SIGLEC7: variants seen among roughly 807,000 people sequenced by gnomAD.
SIGLEC7 encodes sialic acid binding Ig like lectin 7, also known as sialic acid-binding Ig-like lectin 7.
SIGLEC7 carries 33 observed loss-of-function variants against 40.8 expected under a neutral mutation model. The observed-to-expected ratio is 0.81, with a 90% CI of 0.61 to 1.08. SIGLEC7 has a LOEUF of 1.08. SIGLEC7 is among the 50% of genes least tolerant of loss of function. The pLI, the probability that SIGLEC7 is intolerant of heterozygous loss-of-function variation, is 0.00. For synonymous variants in SIGLEC7, 242 were observed against 237.6 expected (o/e 1.02, Z -0.17); for missense variants, 513 against 576.1 (o/e 0.89, Z 1.12).
Position 51,145,123 on chromosome 19 carries a change from G to A in SIGLEC7, c.760+164G>A, listed in dbSNP as rs566934459. On this transcript the variant is annotated intron_variant, in intron 3 of 6. Transcript: ENST00000317643. This position sits in a 1 kb window ranked among gnomAD's most constrained non-coding sequence, Gnocchi z 4.3. ...AGCCTCTGTGGCCACCTGAGCACCT[G>A]TCCTCTTCCCCCCACTCCCCTCAGA... 2.6e-5 allele frequency among the ~76,000 whole-genome samples: 4 copies of A among 152,094 alleles called. No individual in the cohort carries two copies. In the South Asian group the frequency reaches 8.3e-4, roughly 32 times the overall value.
chr19:51,152,210 CA>C (rs1201856042), intron 6 of SIGLEC7, among the ~76,000 whole-genome samples: 3 of 152,154 alleles, frequency 2.0e-5, no homozygotes. Context: ...CCTCTGTTTG[CA>C]AGGCAAGTAG....
chr19:51,152,225 G>A (rs1185713815), intron 6 of SIGLEC7, among the ~76,000 whole-genome samples: 1 of 152,096 alleles, frequency 6.6e-6, no homozygotes, highest in African/African-American at 2.4e-5. Flanking sequence ...CAAGTAGCCT[G>A]GCATCTTCCA....
chr19:51,150,415 G>T (rs374629992), intron 6 of SIGLEC7, among the ~76,000 whole-genome samples: 154 of 152,228 alleles, frequency 1.0e-3, no homozygotes, highest in Admixed American at 3.3e-3. Flanking sequence ...ATGTGTTTTT[G>T]TCTTTAGTTC....
chr19:51,144,978 C>T lies in SIGLEC7; in HGVS notation c.760+19C>T. On this transcript the variant is annotated intron_variant, in intron 3 of 6. Coordinates refer to ENST00000317643, the MANE Select transcript of SIGLEC7 (RefSeq NM_014385.4). ...GGCACAGGTAGGATGGAGCCCCCTC[C>T]CTGGGGCTGGGGGAGCAGGGCCTTC... The T allele has an allele frequency of 6.2e-7, 1 of 1,612,158 alleles. No individual in the cohort carries two copies. The highest frequency in any genetic ancestry group is 1.3e-5 in the African/African-American group (1 of 74,986).
chr19:51,142,303 A>T lies in SIGLEC7; in HGVS notation c.-67A>T. 1 of 1,565,138 alleles carries T rather than the reference A, an allele frequency of 6.4e-7. No homozygotes were observed. Among genetic ancestry groups the T allele is most frequent in the South Asian group, 1.2e-5 (1 of 83,322 alleles). ...GGCCTCTTCTAAGTCTTGAGCCCGC[A>T]GTTCCTGAGAGAAGAACCCTGAGGA... is the stretch of plus-strand genomic sequence containing the variant. On this transcript the variant is annotated 5_prime_UTR_variant, in exon 1 of 7. Transcript: ENST00000317643. This position sits in a 1 kb window ranked among gnomAD's most constrained non-coding sequence, Gnocchi z 5.0.
At chr19:51,143,499 G>A (rs1296145657) in intron 1 of SIGLEC7, among the ~76,000 whole-genome samples, 1 of 152,172 alleles carries the variant, frequency 6.6e-6, no homozygotes, top group Non-Finnish European at 1.5e-5. Flanking sequence ...CCCGGAGGTA[G>A]GAGGTGGGAC....
intron 6 of SIGLEC7, among the ~76,000 whole-genome samples, chr19:51,151,593 A>G (rs1305278634): frequency 2.6e-5 from 4 of 152,232 alleles, no homozygotes; most frequent in Admixed American, 2.6e-4. Context: ...GGAGACCTGA[A>G]GCAATTGGCA....
chr19:51,146,062 A>G lies in SIGLEC7; in HGVS notation c.968A>G (p.Gln323Arg). 1 of 1,614,236 alleles carries G rather than the reference A, an allele frequency of 6.2e-7. No individual in the cohort carries two copies. The highest frequency in any genetic ancestry group is 8.5e-7 in the Non-Finnish European group (1 of 1,180,030). ...GDEGEFTCRA[Q>R]NSLGSQHVSL... ...GAAGGGGAATTCACCTGTCGAGCTCAGAACTCTCTGGGTTCCCAGCACGTT... is the reference window on the plus strand; with the variant it reads ...GAAGGGGAATTCACCTGTCGAGCTCGGAACTCTCTGGGTTCCCAGCACGTT... Residue 323 changes from glutamine (Q) to arginine (R), a missense_variant, in exon 4 of 7, where the codon CAG (glutamine) becomes CGG (arginine). By Grantham distance (43) the Gln-to-Arg change is conservative (BLOSUM62 1). Coordinates refer to ENST00000317643, the MANE Select transcript of SIGLEC7 (RefSeq NM_014385.4).
chr19:51,153,215 TGA>T lies in SIGLEC7; in HGVS notation c.1376_1377del (p.Glu459ValfsTer98). On this transcript the variant is annotated frameshift_variant, in exon 7 of 7. Coordinates refer to ENST00000317643, the MANE Select transcript of SIGLEC7 (RefSeq NM_014385.4). LOFTEE classifies it high-confidence loss of function. ...DLSGQEATNNEYSEIKIPK is the reference protein window; with the variant it reads ...DLSGQEATNNXYSEIKIPK ...TATCAGGACAAGAAGCCACCAACAA[TGA>T]GTACTCAGAGATCAAGATCCCCAAG... is the stretch of plus-strand genomic sequence containing the variant. 7 of 1,596,940 alleles carry T rather than the reference TGA, an allele frequency of 4.4e-6. No homozygotes were observed. The highest frequency in any genetic ancestry group is 6.0e-6 in the Non-Finnish European group (7 of 1,171,966).
rs753580787 is a variant in SIGLEC7, at chr19:51,142,821, G to T, written c.433+19G>T. 1 of 1,568,396 alleles carries T rather than the reference G, an allele frequency of 6.4e-7. No homozygotes were observed. Among genetic ancestry groups the T allele is most frequent in the Non-Finnish European group, 8.6e-7 (1 of 1,156,852 alleles). On this transcript the variant is annotated intron_variant, in intron 1 of 6. Transcript: ENST00000317643. This position sits in a 1 kb window ranked among gnomAD's most constrained non-coding sequence, Gnocchi z 5.0. ...GTGACAGGTAAGGCACGGGCTCCAA[G>T]AGAGGCCAAAGGCAAATGTGATGAG...
intron 6 of SIGLEC7, 72 bp downstream of exon 6, chr19:51,147,389 C>T (rs2092116728): frequency 3.6e-6 from 5 of 1,398,628 alleles, no homozygotes; most frequent in Non-Finnish European, 4.9e-6. Context: ...TCCAGGATTT[C>T]TCTGCTTATC....
At position 51,153,223 on chromosome 19, in the gene SIGLEC7, C is replaced by CA. The variant is rs777680659; in HGVS notation, c.1383dup (p.Glu462ArgfsTer96). The CA allele has an allele frequency of 7.6e-6, 12 of 1,582,914 alleles. No homozygotes were observed. Among genetic ancestry groups the CA allele is most frequent in the Non-Finnish European group, 1.0e-5 (12 of 1,164,910 alleles). On this transcript the variant is annotated frameshift_variant, in exon 7 of 7. Coordinates refer to ENST00000317643, the MANE Select transcript of SIGLEC7 (RefSeq NM_014385.4). LOFTEE classifies it high-confidence loss of function. ...CAAGAAGCCACCAACAATGAGTACT[C>CA]AGAGATCAAGATCCCCAAGTAAGAA...
Position 51,153,222 on chromosome 19 carries a change from T to C in SIGLEC7, c.1381T>C (p.Ser461Pro). 6.3e-7 allele frequency: 1 copy of C among 1,584,302 alleles called. No individual in the cohort carries two copies. Among genetic ancestry groups the C allele is most frequent in the Non-Finnish European group, 8.6e-7 (1 of 1,165,658 alleles). Reference protein sequence around the residue: ...SGQEATNNEYSEIKIPK With the variant: ...SGQEATNNEYPEIKIPK The stretch of plus-strand genomic sequence containing the variant: ...ACAAGAAGCCACCAACAATGAGTAC[T>C]CAGAGATCAAGATCCCCAAGTAAGA... The change falls in exon 7 of 7, where the codon TCA (serine) becomes CCA (proline). Residue 461 changes from serine to proline, a missense_variant. By Grantham distance (74) the Ser-to-Pro change is moderately conservative. Coordinates refer to ENST00000317643, the MANE Select transcript of SIGLEC7 (RefSeq NM_014385.4).
chr19:51,144,280 C>A (rs2092090356), intron 1 of SIGLEC7, 126 bp from the exon 2 acceptor site: 7 of 1,490,348 alleles, frequency 4.7e-6, no homozygotes, highest in Non-Finnish European at 6.2e-6. Context: ...GGGGCCCCTG[C>A]CCTGGGAGAG....
At position 51,145,538 on chromosome 19, in the gene SIGLEC7, T is replaced by C. The variant is rs1392207833; in HGVS notation, c.761-317T>C. 2.6e-5 allele frequency among the ~76,000 whole-genome samples: 4 copies of C among 152,242 alleles called. No individual in the cohort carries two copies. Among genetic ancestry groups the C allele is most frequent in the African/African-American group, 9.6e-5 (4 of 41,470 alleles). On this transcript the variant is annotated intron_variant, in intron 3 of 6. Coordinates refer to ENST00000317643, the MANE Select transcript of SIGLEC7 (RefSeq NM_014385.4). The surrounding 1 kb of genome is among the most constrained non-coding windows in gnomAD (Gnocchi z 4.3). ...ATCTCCTAATGGAAGATCATGGCAC[T>C]AATTTTATCCTACGGCACGAACACT...
At chr19:51,152,098 T>C (rs762716887) in intron 6 of SIGLEC7, among the ~76,000 whole-genome samples, 3 of 152,196 alleles carry the variant, frequency 2.0e-5, no homozygotes, top group African/African-American at 4.8e-5. Context: ...ATCAAGGCAT[T>C]GGCAGGCAGG....
At chr19:51,144,097 C>A in intron 1 of SIGLEC7, 1 of 661,146 alleles carries the variant, frequency 1.5e-6, no homozygotes. Flanking sequence ...GCTCCCTGAG[C>A]ATCAGAGATG....
Position 51,143,201 on chromosome 19 carries a change from T to G in SIGLEC7, c.433+399T>G, listed in dbSNP as rs368042934. On this transcript the variant is annotated intron_variant, in intron 1 of 6. Transcript: ENST00000317643. ...AATTATCTCCACACATTGTTAAACG[T>G]CCTGGGGGGTTAAGTCCTCCCCAGT... Among the ~76,000 whole-genome samples, 26 of 152,256 alleles carry G rather than the reference T, an allele frequency of 1.7e-4. No homozygotes were observed. The East Asian group carries it at 3.3e-3, about 19-fold the overall frequency.
rs550867911 is a variant in SIGLEC7 at position 51,145,083 on chromosome 19, C to A, written c.760+124C>A. On this transcript the variant is annotated intron_variant, in intron 3 of 6. Transcript: ENST00000317643. This position sits in a 1 kb window ranked among gnomAD's most constrained non-coding sequence, Gnocchi z 4.3. The stretch of plus-strand genomic sequence containing the variant: ...GACTCCCTTGTAGTTGAACCCAGGC[C>A]TCCTCCCCATCCTTAGCCTCTGTGG... 3 of 937,830 alleles carry A rather than the reference C, an allele frequency of 3.2e-6. No individual in the cohort carries two copies. The highest frequency in any genetic ancestry group is 1.8e-5 in the Admixed American group (1 of 54,940). 58.1% of individuals were successfully genotyped at this position (937,830 alleles called of 1,614,324 possible).
Sources: allele counts gnomAD v4.1 joint callset (sites outside exome capture counted in the v4.1 genomes callset), GRCh38; gene constraint gnomAD v4.1.1; non-coding constraint Gnocchi (gnomAD v3.1); transcripts MANE v1.5; gene names NCBI Gene and HGNC (gene_info 2026-07-23, HGNC 2026-07-21).